The following PUDP variants were observed in gnomAD, a reference collection of about 807,000 sequenced individuals.
PUDP encodes pseudouridine-5'-phosphatase.
A neutral mutation model predicts 9.4 loss-of-function variants in PUDP; 8 were observed. The observed-to-expected ratio is 0.85, with a 90% CI of 0.50 to 1.53. The LOEUF is 1.53. Among genes scored for constraint, PUDP ranks in the 40% most tolerant of loss-of-function variants. The pLI, the probability that PUDP is intolerant of heterozygous loss-of-function variation, is 0.00. For synonymous variants in PUDP, 99 were observed against 80.7 expected, an observed-to-expected ratio of 1.23 and a Z score of -1.22; for missense variants, 188 against 189.7, an observed-to-expected ratio of 0.99 and a Z score of 0.05.
chrX:6,901,866 C>G (rs1927692797), intron 3 of PUDP, among the ~76,000 whole-genome samples: 1 of 111,755 alleles, frequency 8.9e-6, no homozygotes, highest in Non-Finnish European at 1.9e-5. Flanking sequence ...ATGAGAAATA[C>G]TCTTTTTTTG....
At chrX:6,802,745 C>T (rs1033896634) in intron 3 of PUDP, among the ~76,000 whole-genome samples, 3 of 108,548 alleles carry the variant, frequency 2.8e-5, no homozygotes, top group Non-Finnish European at 5.7e-5. Flanking sequence ...ATTAGCCAGG[C>T]CTGGTGGCAG....
intron 3 of PUDP, among the ~76,000 whole-genome samples, chrX:6,897,093 G>A (rs1224944356): frequency 9.0e-6 from 1 of 111,359 alleles, no homozygotes; most frequent in East Asian, 2.8e-4. Flanking sequence ...CCCATTGCTT[G>A]CCCTAATCCT....
chrX:6,887,092 TATATATA>T (rs981389459), intron 3 of PUDP, among the ~76,000 whole-genome samples: 2 of 103,808 alleles, frequency 1.9e-5, no homozygotes, highest in Admixed American at 1.1e-4. Flanking sequence ...TATGATAAAT[TATATATA>T]ATATATAATA....
chrX:6,825,884 G>C (rs900342377), intron 3 of PUDP, among the ~76,000 whole-genome samples: 6 of 111,472 alleles, frequency 5.4e-5, no homozygotes, highest in African/African-American at 2.0e-4. Flanking sequence ...TTATACCTAA[G>C]ACCCACTCCA....
In PUDP at chrX:7,008,682, T is replaced by C. The variant is rs1323571377; in HGVS notation, c.205-30339A>G. 3.6e-5 allele frequency among the ~76,000 whole-genome samples: 4 copies of C among 111,989 alleles called. No individual in the cohort carries two copies. In the East Asian group the frequency reaches 1.1e-3, roughly 31 times the overall value. The stretch of plus-strand genomic sequence containing the variant: ...GGCATTTTCTCTTTACCATAACCCA[T>C]GCTTTAAAATGAAATAAACCAAACC... On this transcript the variant is annotated intron_variant and NMD_transcript_variant, in intron 1 of 3. Coordinates refer to the PUDP transcript ENST00000655425.
At chrX:7,026,801 T>C (rs1221766084) in intron 1 of PUDP, among the ~76,000 whole-genome samples, 2 of 111,919 alleles carry the variant, frequency 1.8e-5, no homozygotes, top group Non-Finnish European at 3.8e-5. Context: ...GTAGTGCTGA[T>C]GGTACACAGA....
At chrX:7,047,665 C>T (rs914833591), downstream of PUDP, among the ~76,000 whole-genome samples, 2 of 112,195 alleles carry the variant, frequency 1.8e-5, no homozygotes, top group African/African-American at 6.5e-5. Flanking sequence ...TTTAACACTT[C>T]ATTTTCTCTT....
intron 3 of PUDP, 38 bp downstream of exon 3, chrX:7,077,182 G>A: frequency 2.6e-6 from 3 of 1,167,044 alleles, no homozygotes; most frequent in East Asian, 6.5e-5. Context: ...GTGGAACATG[G>A]TTGTGGAACA....
chrX:6,837,043 C>T (rs779624660), intron 3 of PUDP, among the ~76,000 whole-genome samples: 10 of 112,372 alleles, frequency 8.9e-5, no homozygotes, highest in Admixed American at 7.5e-4. Flanking sequence ...CACCAATGAG[C>T]GCATTTAAAT....
At chrX:7,142,088 T>C (rs1271631321) in intron 1 of PUDP, among the ~76,000 whole-genome samples, 1 of 112,401 alleles carries the variant, frequency 8.9e-6, no homozygotes. Flanking sequence ...TAACACGACA[T>C]CTACTCTGCA....
chrX:6,890,048 G>A (rs1227123332), intron 3 of PUDP, among the ~76,000 whole-genome samples: 1 of 111,503 alleles, frequency 9.0e-6, no homozygotes, highest in Non-Finnish European at 1.9e-5. Context: ...TAAGATGGGA[G>A]TTTGGTTAAT....
At chrX:6,758,135 A>C (rs756021156) in intron 3 of PUDP, among the ~76,000 whole-genome samples, 19 of 112,125 alleles carry the variant, frequency 1.7e-4, no homozygotes, top group Non-Finnish European at 2.1e-4. Context: ...AAAAAAATAT[A>C]TCAGTGTCAA....
intron 3 of PUDP, among the ~76,000 whole-genome samples, chrX:6,932,964 G>A (rs1210025651): frequency 2.2e-4 from 24 of 109,679 alleles, no homozygotes; most frequent in South Asian, 4.0e-4. Context: ...CAAAGCAGCC[G>A]GGAAGCTCGA....
chrX:6,907,832 G>A (rs1349467473), intron 3 of PUDP, among the ~76,000 whole-genome samples: 1 of 111,747 alleles, frequency 8.9e-6, no homozygotes, highest in Admixed American at 9.4e-5. Flanking sequence ...CGCTTCCTAA[G>A]AGAAAAAGGC....
intron 3 of PUDP, among the ~76,000 whole-genome samples, chrX:6,805,002 C>T (rs1926026362): frequency 1.8e-5 from 2 of 111,926 alleles, no homozygotes; most frequent in African/African-American, 6.5e-5. Context: ...CACGGGGGCT[C>T]ATGCCTGTAA....
chrX:6,822,822 A>C (rs1299957792), intron 3 of PUDP, among the ~76,000 whole-genome samples: 2 of 109,342 alleles, frequency 1.8e-5, no homozygotes, highest in Admixed American at 9.9e-5. Flanking sequence ...CCCAGTACCC[A>C]ACAGTTATCT....
upstream of PUDP, among the ~76,000 whole-genome samples, chrX:6,723,814 T>C (rs766463160): frequency 8.9e-6 from 1 of 112,130 alleles, no homozygotes; most frequent in South Asian, 3.6e-4. Flanking sequence ...AAAATGTAAG[T>C]GTGGCTTCAA....
chrX:6,708,355 G>T (rs183426254), intron 1 of PUDP, among the ~76,000 whole-genome samples: 14 of 111,713 alleles, frequency 1.3e-4, no homozygotes, highest in African/African-American at 4.2e-4. Flanking sequence ...AAAAGCCTCT[G>T]CAGCCCGAGG....
chrX:7,083,887 TCAACAA>T (rs200869115), intron 2 of PUDP, among the ~76,000 whole-genome samples: 3 of 101,743 alleles, frequency 2.9e-5, no homozygotes, highest in Non-Finnish European at 6.0e-5. Flanking sequence ...AAAGACTGTC[TCAACAA>T]CAACAACAAC....
Sources: gnomAD v4.1 joint callset for allele counts (sites outside exome capture counted in the v4.1 genomes callset) on GRCh38, gnomAD v4.1.1 for gene constraint, MANE v1.5 for transcripts, NCBI Gene and HGNC (gene_info 2026-07-23, HGNC 2026-07-21) for gene names.